The following CSMD1 variants were observed in gnomAD, a reference collection of about 807,000 sequenced individuals.
CSMD1 encodes the protein CUB and Sushi multiple domains 1, also known as CUB and sushi domain-containing protein 1.
CSMD1 carries 213 observed loss-of-function variants against 417.5 expected under a neutral mutation model. The ratio of observed to expected loss-of-function variants is 0.51; its 90% CI spans 0.46 to 0.57. CSMD1 has a LOEUF of 0.57. CSMD1 is among the 20% of genes least tolerant of loss of function. The pLI is 0.00. For synonymous variants in CSMD1, 2,862 were observed against 1,736.8 expected (o/e 1.65, Z -16.11); for missense variants, 6,923 against 4,529.7 (o/e 1.53, Z -15.17).
At chr8:3,469,851 G>A (rs1208391536) in intron 11 of CSMD1, among the ~76,000 whole-genome samples, 1 of 152,224 alleles carries the variant, frequency 6.6e-6, no homozygotes, top group African/African-American at 2.4e-5. Flanking sequence ...AACTATTTCT[G>A]TGAATGCTGT....
At chr8:3,127,039 CAAG>C (rs1308034917) in intron 41 of CSMD1, among the ~76,000 whole-genome samples, 2 of 152,272 alleles carry the variant, frequency 1.3e-5, no homozygotes, top group East Asian at 3.9e-4. Context: ...AAAACCCATA[CAAG>C]AAGGAGTAGA....
chr8:3,708,095 G>T (rs1801281459), intron 7 of CSMD1, among the ~76,000 whole-genome samples: 4 of 152,174 alleles, frequency 2.6e-5, no homozygotes, highest in African/African-American at 2.4e-5. Context: ...TGTGTGGGGT[G>T]TGCAAGGACG....
intron 2 of CSMD1, among the ~76,000 whole-genome samples, chr8:4,560,906 G>C (rs532678335): frequency 1.3e-5 from 2 of 152,246 alleles, no homozygotes; most frequent in South Asian, 2.1e-4. Flanking sequence ...GACTCAAACA[G>C]GTTCACTTAT....
At chr8:4,315,044 G>T (rs117631746) in intron 3 of CSMD1, among the ~76,000 whole-genome samples, 11 of 152,232 alleles carry the variant, frequency 7.2e-5, no homozygotes, top group Non-Finnish European at 1.5e-4. Flanking sequence ...TCATGACTGC[G>T]TTGGCTTCCC....
intron 49 of CSMD1, among the ~76,000 whole-genome samples, chr8:3,075,916 T>G (rs373530701): frequency 0.024 from 3,533 of 148,056 alleles, 141 homozygotes; most frequent in African/African-American, 0.084. Context: ...CCGGGCGTGG[T>G]GGCGGGCGCC....
intron 42 of CSMD1, 64 bp from the exon 43 acceptor site, chr8:3,110,399 T>C: frequency 7.3e-7 from 1 of 1,363,246 alleles, no homozygotes; most frequent in Non-Finnish European, 9.7e-7. Flanking sequence ...GAAAGCTAAA[T>C]ATTTGACTCC....
intron 48 of CSMD1, 83 bp downstream of exon 48, chr8:3,091,433 A>G (rs1346920335): frequency 1.6e-5 from 17 of 1,032,944 alleles, no homozygotes; most frequent in Non-Finnish European, 2.2e-5. Context: ...TTATACTATA[A>G]ATTTCTATTT....
intron 1 of CSMD1, among the ~76,000 whole-genome samples, chr8:4,864,952 CAT>C (rs1294360612): frequency 1.5e-5 from 1 of 68,452 alleles, no homozygotes; most frequent in African/African-American, 3.4e-5. Context: ...TTCTGAAAGA[CAT>C]ATTTAAATAT....
At chr8:4,905,901 C>G (rs1805237160) in intron 1 of CSMD1, among the ~76,000 whole-genome samples, 1 of 151,428 alleles carries the variant, frequency 6.6e-6, no homozygotes, top group Non-Finnish European at 1.5e-5. Flanking sequence ...ATCTAATTGC[C>G]TTTCTCAGAG....
chr8:3,133,604 TA>T (rs2129027797), intron 41 of CSMD1, among the ~76,000 whole-genome samples: 1 of 152,216 alleles, frequency 6.6e-6, no homozygotes, highest in African/African-American at 2.4e-5. Context: ...GGCTGGGCTT[TA>T]GGGCTGCAGT....
intron 26 of CSMD1, among the ~76,000 whole-genome samples, chr8:3,282,717 T>C (rs888485837): frequency 4.6e-5 from 7 of 152,158 alleles, no homozygotes; most frequent in Non-Finnish European, 8.8e-5. Context: ...CAGAGCACAG[T>C]GAAACCAGAG....
chr8:4,937,623 T>A (rs1043099492), intron 1 of CSMD1, among the ~76,000 whole-genome samples: 4 of 152,202 alleles, frequency 2.6e-5, no homozygotes, highest in Admixed American at 2.0e-4. Flanking sequence ...TGTCAGAGTA[T>A]CTGACGGAGG....
chr8:3,793,066 A>T (rs1039246247), intron 5 of CSMD1, among the ~76,000 whole-genome samples: 1 of 152,166 alleles, frequency 6.6e-6, no homozygotes. Flanking sequence ...AAACACCCAA[A>T]AGAGTAGAAA....
At chr8:4,202,834 C>T (rs1015226023) in intron 3 of CSMD1, among the ~76,000 whole-genome samples, 1 of 152,162 alleles carries the variant, frequency 6.6e-6, no homozygotes, top group Non-Finnish European at 1.5e-5. Context: ...GGCAGTGAAG[C>T]TGAAACTTGA....
chr8:4,335,784 C>A (rs558327435), intron 3 of CSMD1, among the ~76,000 whole-genome samples: 2 of 152,024 alleles, frequency 1.3e-5, no homozygotes, highest in Non-Finnish European at 2.9e-5. Flanking sequence ...GAGGAACATA[C>A]CACGTTACCT....
Position 3,716,113 on chromosome 8 carries a change from C to T in CSMD1, c.932-7622G>A, listed in dbSNP as rs75013845. On this transcript the variant is annotated intron_variant, in intron 6 of 69. Transcript: ENST00000635120. ...TCCTGAAAGCACTTTCTGCCCTTTG[C>T]TTCCAGAACTCCACCCTGTTTGGGT... Among the ~76,000 whole-genome samples the T allele has an allele frequency of 4.0e-3, 605 of 152,322 alleles. 2 individuals carry two copies. The highest frequency in any genetic ancestry group is 0.014 in the African/African-American group (576 of 41,570).
At chr8:4,707,439 G>T (rs1299861096) in intron 1 of CSMD1, among the ~76,000 whole-genome samples, 1 of 152,222 alleles carries the variant, frequency 6.6e-6, no homozygotes, top group African/African-American at 2.4e-5. Context: ...CAGGAATGCT[G>T]ATGGTGGAAG....
chr8:3,861,521 C>G (rs915383860), intron 5 of CSMD1, among the ~76,000 whole-genome samples: 2 of 152,104 alleles, frequency 1.3e-5, no homozygotes, highest in African/African-American at 4.8e-5. Context: ...CACCTGATGC[C>G]TCTTGGGAGA....
intron 3 of CSMD1, among the ~76,000 whole-genome samples, chr8:4,131,439 G>A (rs373500801): frequency 6.6e-6 from 1 of 152,184 alleles, no homozygotes; most frequent in South Asian, 2.1e-4. Flanking sequence ...TACCCCTGAG[G>A]TCAAATATAC....
Sources: allele counts gnomAD v4.1 joint callset (sites outside exome capture counted in the v4.1 genomes callset), GRCh38; gene constraint gnomAD v4.1.1; transcripts MANE v1.5; gene names NCBI Gene and HGNC (gene_info 2026-07-23, HGNC 2026-07-21).